The following ACO1 variants were observed in gnomAD, a reference collection of about 807,000 sequenced individuals.
ACO1 encodes cytoplasmic aconitate hydratase.
A neutral mutation model predicts 105.1 loss-of-function variants in ACO1; 78 were observed. The observed-to-expected ratio is 0.74, with a 90% CI of 0.62 to 0.90. The LOEUF (loss-of-function observed/expected upper bound fraction) is 0.90, where lower values mean the gene tolerates loss of function less well. ACO1 is among the 40% of genes least tolerant of loss of function. ACO1 has a pLI of 0.00. For missense variants in ACO1, 965 were observed against 1,111.1 expected (o/e 0.87, Z 1.87); for synonymous variants, 364 against 397.4 (o/e 0.92, Z 1.00).
intron 11 of ACO1, among the ~76,000 whole-genome samples, chr9:32,426,350 C>T (rs1024685572): frequency 1.2e-4 from 18 of 152,170 alleles, no homozygotes; most frequent in African/African-American, 3.9e-4. Flanking sequence ...CCCTGAGCAG[C>T]AGGATTGAGT....
At chr9:32,417,406 T>C (rs1478123386) in intron 4 of ACO1, among the ~76,000 whole-genome samples, 1 of 152,198 alleles carries the variant, frequency 6.6e-6, no homozygotes, top group Non-Finnish European at 1.5e-5. Flanking sequence ...AATCCTATGA[T>C]ACATGCTTTA....
intron 1 of ACO1, among the ~76,000 whole-genome samples, chr9:32,398,396 T>C (rs1378722650): frequency 6.6e-6 from 1 of 152,188 alleles, no homozygotes; most frequent in Admixed American, 6.5e-5. Context: ...AATGCTACTG[T>C]TGAATCACTC....
intron 9 of ACO1, among the ~76,000 whole-genome samples, chr9:32,423,803 G>A (rs1822028378): frequency 6.6e-6 from 1 of 152,196 alleles, no homozygotes; most frequent in South Asian, 2.1e-4. Context: ...TTTGGGTACA[G>A]TGTACACTGC....
intron 4 of ACO1, among the ~76,000 whole-genome samples, chr9:32,417,811 G>C (rs1162349815): frequency 1.3e-5 from 2 of 152,184 alleles, no homozygotes; most frequent in Non-Finnish European, 2.9e-5. Context: ...GGCTGCTGTT[G>C]TCATATGAAT....
chr9:32,398,577 G>GT (rs72336124), intron 1 of ACO1, among the ~76,000 whole-genome samples: 22,531 of 147,274 alleles, frequency 0.15, 2,048 homozygotes, highest in South Asian at 0.29. Context: ...TTCTTTCTTT[G>GT]TTTTTTTTTG....
At position 32,429,480 on chromosome 9, in the gene ACO1, C is replaced by G. The variant is rs1340665486; in HGVS notation, c.1546C>G (p.Pro516Ala). ...TGGCAACAGTGGGCCTTTACCTGAA[C>G]CTGTGGTAGAAGCCATCACACAGGT... ...CIGNSGPLPE[P>A]VVEAITQGDL... Residue 516 changes from proline to alanine, a missense_variant, in exon 13 of 21, where the codon CCT becomes GCT. By Grantham distance (27) the Pro-to-Ala change is conservative (BLOSUM62 -1). Coordinates refer to ENST00000309951, the MANE Select transcript of ACO1 (RefSeq NM_002197.3). The G allele has an allele frequency of 6.2e-7, 1 of 1,614,128 alleles. No homozygotes were observed. Among genetic ancestry groups the G allele is most frequent in the South Asian group, 1.1e-5 (1 of 91,076 alleles).
intron 8 of ACO1, among the ~76,000 whole-genome samples, chr9:32,421,427 A>G (rs1325935579): frequency 6.6e-6 from 1 of 152,184 alleles, no homozygotes; most frequent in East Asian, 1.9e-4. Flanking sequence ...AACATTAGAG[A>G]AAACTGAGGA....
At chr9:32,436,012 GAC>G in intron 17 of ACO1, 1 of 664,054 alleles carries the variant, frequency 1.5e-6, no homozygotes, top group Non-Finnish European at 2.8e-6. Flanking sequence ...AGATTTGAAA[GAC>G]AATTAACCCA....
chr9:32,445,578 T>A, intron 19 of ACO1: 1 of 308,574 alleles, frequency 3.2e-6, no homozygotes, highest in Non-Finnish European at 6.7e-6. Context: ...TTCATTGATT[T>A]GATTTTTTGA....
At position 32,448,923 on chromosome 9, in the gene ACO1, T is replaced by C; in HGVS notation, c.2398T>C (p.Tyr800His). The C allele has an allele frequency of 6.2e-7, 1 of 1,614,248 alleles. No homozygotes were observed. The change falls in exon 20 of 21, where the codon TAC becomes CAC. Residue 800 changes from tyrosine (Y) to histidine (H), a missense_variant. Tyr to His is a moderately conservative substitution (Grantham distance 83). Coordinates refer to ENST00000309951, the MANE Select transcript of ACO1 (RefSeq NM_002197.3). ...LGIKAVLAES[Y>H]ERIHRSNLVG... is the part of the protein sequence containing the mutation. ...AATCAAAGCCGTCCTGGCCGAGAGCTACGAGCGCATTCACCGCAGTAACCT... is the reference window on the plus strand; with the variant it reads ...AATCAAAGCCGTCCTGGCCGAGAGCCACGAGCGCATTCACCGCAGTAACCT...
intron 16 of ACO1, 119 bp downstream of exon 16, chr9:32,433,951 C>T: frequency 1.2e-6 from 1 of 832,902 alleles, no homozygotes; most frequent in Non-Finnish European, 1.8e-6. Context: ...CCTTTGCAAA[C>T]CCAAGCAGAT....
rs374312972 is a variant in ACO1 at position 32,449,016 on chromosome 9, G to C, written c.2491G>C (p.Gly831Arg). 4.3e-6 allele frequency: 7 copies of C among 1,613,984 alleles called. No individual in the cohort carries two copies. In the African/African-American group the frequency reaches 9.3e-5, roughly 22 times the overall value. Residue 831 changes from glycine (G) to arginine (R), a missense_variant, in exon 20 of 21, where the codon GGG becomes CGG. Gly to Arg is a moderately radical substitution (Grantham distance 125, BLOSUM62 -2). Coordinates refer to ENST00000309951, the MANE Select transcript of ACO1 (RefSeq NM_002197.3). Reference sequence around the variant, plus strand: ...GAATGCAGATGCCCTGGGGCTCACAGGGCAAGAACGATACACTATCATTAT... The same window carrying C: ...GAATGCAGATGCCCTGGGGCTCACACGGCAAGAACGATACACTATCATTAT... ...GENADALGLT[G>R]QERYTIIIPE...
intron 1 of ACO1, among the ~76,000 whole-genome samples, chr9:32,401,039 C>T (rs1587517018): frequency 6.6e-6 from 1 of 151,504 alleles, no homozygotes; most frequent in Non-Finnish European, 1.5e-5. Flanking sequence ...TAATGTGAGC[C>T]TTTACTAACA....
chr9:32,446,112 G>A (rs984274635), intron 19 of ACO1, among the ~76,000 whole-genome samples: 37 of 152,200 alleles, frequency 2.4e-4, no homozygotes, highest in African/African-American at 8.9e-4. Flanking sequence ...GAGTTCTGTA[G>A]ATGTCTATTA....
Position 32,404,182 on chromosome 9 carries a change from A to G in ACO1, c.-22-1303A>G, listed in dbSNP as rs140906571. Among the ~76,000 whole-genome samples the G allele has an allele frequency of 4.2e-3, 640 of 152,240 alleles. 5 individuals are homozygous for G. Among genetic ancestry groups the G allele is most frequent in the African/African-American group, 0.014 (593 of 41,552 alleles). ...TATATGCACTCTCACCTCAAAAACT[A>G]AAGCCACCATCTTCCCTCCAAAAGC... On this transcript the variant is annotated intron_variant, in intron 1 of 20. Coordinates refer to ENST00000309951, the MANE Select transcript of ACO1 (RefSeq NM_002197.3).
chr9:32,384,879 G>C, intron 1 of ACO1, 144 bp downstream of exon 1: 1 of 244,720 alleles, frequency 4.1e-6, no homozygotes, highest in South Asian at 3.1e-5. Flanking sequence ...GGGAGGCTGA[G>C]AGGAGAATCG....
In ACO1 at chr9:32,430,916, A is replaced by G. The variant is rs77623041; in HGVS notation, c.1726+342A>G. 5.9e-3 allele frequency among the ~76,000 whole-genome samples: 896 copies of G among 152,310 alleles called. 11 individuals carry two copies. Among genetic ancestry groups the G allele is most frequent in the African/African-American group, 0.021 (868 of 41,564 alleles). ...GTAGAAACATACTGCAGATATTTCA[A>G]CTTCTCAGAATTCCAAAGAAATGAT... On this transcript the variant is annotated intron_variant, in intron 14 of 20. Coordinates refer to ENST00000309951, the MANE Select transcript of ACO1 (RefSeq NM_002197.3).
At position 32,434,546 on chromosome 9, in the gene ACO1, T is replaced by C. The variant is rs781112127; in HGVS notation, c.1957-13T>C. The C allele has an allele frequency of 6.2e-7, 1 of 1,613,970 alleles. No individual in the cohort carries two copies. Among genetic ancestry groups the C allele is most frequent in the Admixed American group, 1.7e-5 (1 of 60,018 alleles). On this transcript the variant is annotated splice_polypyrimidine_tract_variant and intron_variant, in intron 16 of 20. Transcript: ENST00000309951. ...AACCTGGGCCAATGCTGACTTTTTG[T>C]ATTCTTTGCTAGACTTTGGATCTTC...
chr9:32,402,698 G>A (rs1821522912), intron 1 of ACO1, among the ~76,000 whole-genome samples: 1 of 152,078 alleles, frequency 6.6e-6, no homozygotes, highest in Non-Finnish European at 1.5e-5. Flanking sequence ...TCTATATCTG[G>A]ACCCATTACC....
Sources: gnomAD v4.1 joint callset for allele counts (sites outside exome capture counted in the v4.1 genomes callset) on GRCh38, gnomAD v4.1.1 for gene constraint, MANE v1.5 for transcripts, NCBI Gene and HGNC (gene_info 2026-07-23, HGNC 2026-07-21) for gene names.